Variants in DTNB observed in about 807,000 individuals in gnomAD.
DTNB encodes dystrobrevin beta.
In DTNB, 63 loss-of-function variants were observed where a neutral mutation model predicts 90.7. The observed-to-expected ratio is 0.69, with a 90% CI of 0.57 to 0.86. The LOEUF (loss-of-function observed/expected upper bound fraction) is 0.86. DTNB is among the 40% of genes least tolerant of loss of function. The probability of loss-of-function intolerance (pLI) is 0.00; values close to 1 mark genes in which losing one functional copy is unlikely to be tolerated. For synonymous variants in DTNB, 277 were observed against 286.7 expected (o/e 0.97, Z 0.34); for missense variants, 744 against 807.1 (o/e 0.92, Z 0.95).
intron 10 of DTNB, among the ~76,000 whole-genome samples, chr2:25,460,902 GTTTTT>G (rs35276903): frequency 6.9e-6 from 1 of 145,518 alleles, no homozygotes; most frequent in African/African-American, 2.5e-5. Context: ...AAGGTTTTTT[GTTTTT>G]TTTTTTTTGA....
intron 5 of DTNB, among the ~76,000 whole-genome samples, chr2:25,600,453 G>A (rs969089031): frequency 5.3e-5 from 8 of 152,212 alleles, no homozygotes; most frequent in African/African-American, 1.9e-4. Flanking sequence ...GAAGAAAGAC[G>A]GGAAGAAGTG....
At position 25,548,925 on chromosome 2, in the gene DTNB, A is replaced by G. The variant is rs538127744; in HGVS notation, c.877-17328T>C. On this transcript the variant is annotated intron_variant, in intron 8 of 20. Coordinates refer to ENST00000406818, the MANE Select transcript of DTNB (RefSeq NM_021907.5). Reference sequence around the variant, plus strand: ...AAATACATACACCCACAAACATGCAATGTTACTAAGAGCAGGATAAACAGG... The same window carrying G: ...AAATACATACACCCACAAACATGCAGTGTTACTAAGAGCAGGATAAACAGG... Among the ~76,000 whole-genome samples the G allele has an allele frequency of 7.2e-5, 11 of 152,318 alleles. No individual in the cohort carries two copies. In the South Asian group the frequency reaches 2.1e-3, roughly 29 times the overall value.
At chr2:25,585,676 T>C (rs2062262594) in intron 6 of DTNB, among the ~76,000 whole-genome samples, 1 of 152,252 alleles carries the variant, frequency 6.6e-6, no homozygotes, top group Admixed American at 6.5e-5. Flanking sequence ...ACTCCTATAA[T>C]GTGCAACATA....
At chr2:25,546,713 G>A (rs1021958733) in intron 8 of DTNB, among the ~76,000 whole-genome samples, 3 of 152,130 alleles carry the variant, frequency 2.0e-5, no homozygotes, top group African/African-American at 7.2e-5. Flanking sequence ...CATTTCAATT[G>A]TTGTTGTTAT....
At chr2:25,402,226 G>A (rs2043911617) in intron 16 of DTNB, among the ~76,000 whole-genome samples, 1 of 152,212 alleles carries the variant, frequency 6.6e-6, no homozygotes, top group South Asian at 2.1e-4. Context: ...CTGTCCTGCT[G>A]TGAGAGTTGG....
rs555752554 is a variant in DTNB at position 25,430,079 on chromosome 2, C to T, written c.1458-2448G>A. ...AATGCTTCCAGAGGAAAATTAGACA[C>T]ACAAAGGTGGTAGGGAATAAATATA... On this transcript the variant is annotated intron_variant, in intron 14 of 20. Transcript: ENST00000406818. Among the ~76,000 whole-genome samples, 2 of 152,102 alleles carry T rather than the reference C, an allele frequency of 1.3e-5. 1 individual carries two copies. Among genetic ancestry groups the T allele is most frequent in the South Asian group, 4.2e-4 (2 of 4,818 alleles).
At chr2:25,657,153 G>A (rs1255683416) in intron 1 of DTNB, among the ~76,000 whole-genome samples, 1 of 152,116 alleles carries the variant, frequency 6.6e-6, no homozygotes, top group African/African-American at 2.4e-5. Flanking sequence ...TCCAGCCTGG[G>A]TAACAGAGTG....
chr2:25,387,307 C>A lies in DTNB; in HGVS notation c.1807G>T (p.Val603Leu), dbSNP rs1019172891. The change falls in exon 18 of 21, where the codon GTG becomes TTG. Residue 603 changes from valine (V) to leucine (L), a missense_variant. Val to Leu is a conservative substitution (Grantham distance 32). Transcript: ENST00000406818. This position sits in a 1 kb window ranked among gnomAD's most constrained non-coding sequence, Gnocchi z 4.5. ...DSITNTMSSLVKELHSAEEGA... is the reference protein window; with the variant it reads ...DSITNTMSSLLKELHSAEEGA... The stretch of plus-strand genomic sequence containing the variant: ...GTTTCACCTGAATGGAGCTCCTTCA[C>A]CAGGGATGACATGGTGTTGGTGATG... 1 of 1,610,776 alleles carries A rather than the reference C, an allele frequency of 6.2e-7. No homozygotes were observed.
At chr2:25,585,471 G>A (rs1572956932) in intron 6 of DTNB, among the ~76,000 whole-genome samples, 1 of 152,198 alleles carries the variant, frequency 6.6e-6, no homozygotes, top group East Asian at 1.9e-4. Context: ...AATCTAGACT[G>A]ACAACTATTA....
In DTNB at chr2:25,482,889, T is replaced by C. The variant is rs1040359963; in HGVS notation, c.1002-16A>G. ...GCGAGGAGGACTGAAAGAAAAGACA[T>C]TTACCTTATATTAATAATGACCAAC... On this transcript the variant is annotated splice_polypyrimidine_tract_variant and intron_variant, in intron 9 of 20. Coordinates refer to ENST00000406818, the MANE Select transcript of DTNB (RefSeq NM_021907.5). The C allele has an allele frequency of 2.5e-6, 4 of 1,594,708 alleles. No homozygotes were observed. Among genetic ancestry groups the C allele is most frequent in the Non-Finnish European group, 3.4e-6 (4 of 1,172,918 alleles).
intron 7 of DTNB, 109 bp from the exon 8 acceptor site, chr2:25,577,113 A>T: frequency 8.3e-7 from 1 of 1,203,128 alleles, no homozygotes; most frequent in Non-Finnish European, 1.1e-6. Context: ...ACAGAGGAAT[A>T]CCAAAACTAA....
chr2:25,383,812 G>A, intron 19 of DTNB, 24 bp downstream of exon 19: 1 of 1,614,034 alleles, frequency 6.2e-7, no homozygotes. Flanking sequence ...ATTTAAACGA[G>A]CAGTCCTGCT....
intron 16 of DTNB, among the ~76,000 whole-genome samples, chr2:25,414,256 T>C (rs2047325313): frequency 6.6e-6 from 1 of 152,180 alleles, no homozygotes; most frequent in Non-Finnish European, 1.5e-5. Flanking sequence ...TAGTTTTTTT[T>C]TGTTTGTTTG....
chr2:25,500,429 C>T (rs554242696), intron 9 of DTNB, among the ~76,000 whole-genome samples: 4 of 152,168 alleles, frequency 2.6e-5, no homozygotes, highest in Non-Finnish European at 5.9e-5. Flanking sequence ...GCTCCTCATG[C>T]GTACTAAACA....
chr2:25,634,903 C>T (rs201085713), intron 3 of DTNB, among the ~76,000 whole-genome samples: 5 of 79,364 alleles, frequency 6.3e-5, no homozygotes, highest in Non-Finnish European at 1.6e-4. Flanking sequence ...TCAAGTACCC[C>T]GGGACACAAA....
intron 5 of DTNB, among the ~76,000 whole-genome samples, chr2:25,602,030 G>A (rs1423318042): frequency 1.3e-5 from 2 of 152,022 alleles, no homozygotes; most frequent in Non-Finnish European, 2.9e-5. Flanking sequence ...GCTGAGGCAG[G>A]AGAATCACTT....
At chr2:25,653,869 A>G (rs1028818928) in intron 1 of DTNB, among the ~76,000 whole-genome samples, 1 of 152,076 alleles carries the variant, frequency 6.6e-6, no homozygotes, top group African/African-American at 2.4e-5. Flanking sequence ...GGAAGAGGGA[A>G]GATGCCGTTC....
chr2:25,513,704 G>A (rs749448213), intron 9 of DTNB, among the ~76,000 whole-genome samples: 4 of 150,156 alleles, frequency 2.7e-5, no homozygotes, highest in Non-Finnish European at 4.4e-5. Flanking sequence ...TCCAGCCTGG[G>A]TGACAGAGCA....
intron 4 of DTNB, among the ~76,000 whole-genome samples, chr2:25,614,674 GGTTCAGT>G (rs1247622917): frequency 6.6e-6 from 1 of 152,136 alleles, no homozygotes; most frequent in Non-Finnish European, 1.5e-5. Context: ...TAAAATGGAA[GGTTCAGT>G]GTAATTTAAA....
Sources: gnomAD v4.1 joint callset for allele counts (sites outside exome capture counted in the v4.1 genomes callset) on GRCh38, gnomAD v4.1.1 for gene constraint, Gnocchi (gnomAD v3.1) non-coding constraint, MANE v1.5 for transcripts, NCBI Gene and HGNC (gene_info 2026-07-23, HGNC 2026-07-21) for gene names.